HTR1D: variants seen among roughly 807,000 people sequenced by gnomAD.
HTR1D encodes 5-hydroxytryptamine receptor 1D.
A neutral mutation model predicts 21.1 loss-of-function variants in HTR1D; 18 were observed. The observed-to-expected ratio is 0.85, with a 90% confidence interval of 0.59 to 1.27. HTR1D has a LOEUF of 1.27. Ranked by LOEUF, HTR1D falls within the 50% of genes most tolerant of loss-of-function variation. The pLI is 0.00. For synonymous variants in HTR1D, 196 were observed against 204.4 expected (o/e 0.96, Z 0.35); for missense variants, 456 against 481.4 (o/e 0.95, Z 0.49).
intron 1 of HTR1D, among the ~76,000 whole-genome samples, chr1:23,206,421 C>T (rs1644731199): frequency 6.6e-6 from 1 of 152,192 alleles, no homozygotes; most frequent in Non-Finnish European, 1.5e-5. Flanking sequence ...GCCCAGGCTT[C>T]ACAGCTTGGT....
intron 1 of HTR1D, among the ~76,000 whole-genome samples, chr1:23,211,831 A>T (rs185528551): frequency 5.3e-4 from 80 of 151,502 alleles, no homozygotes; most frequent in East Asian, 2.1e-3. Context: ...GGCAAATTTT[A>T]AAAAAATTTT....
intron 1 of HTR1D, among the ~76,000 whole-genome samples, chr1:23,197,781 A>G (rs1382832073): frequency 6.6e-6 from 1 of 152,074 alleles, no homozygotes; most frequent in Non-Finnish European, 1.5e-5. Flanking sequence ...GTATGCCAGT[A>G]ATCCCAACAC....
chr1:23,194,333 C>A lies in HTR1D; in HGVS notation c.-114G>T, dbSNP rs770034382. Reference sequence around the variant, plus strand: ...GCTTCACACTGGTGGGAGCCGTACACCAGAACAGACCACAGTGAAAAGGTC... The same window carrying A: ...GCTTCACACTGGTGGGAGCCGTACAACAGAACAGACCACAGTGAAAAGGTC... On this transcript the variant is annotated 5_prime_UTR_variant, in exon 2 of 2. Coordinates refer to ENST00000374619, the MANE Select transcript of HTR1D (RefSeq NM_000864.5). The A allele has an allele frequency of 2.7e-5, 23 of 856,892 alleles. No individual in the cohort carries two copies. Among genetic ancestry groups the A allele is most frequent in the Non-Finnish European group, 4.1e-5 (22 of 537,072 alleles). 53.1% of individuals were successfully genotyped at this position (856,892 alleles called of 1,614,324 possible). A position where few individuals can be genotyped will look rare whatever the true frequency, so the allele number is the denominator to read the frequency against.
At chr1:23,199,508 G>T (rs1644702232) in intron 1 of HTR1D, among the ~76,000 whole-genome samples, 1 of 127,250 alleles carries the variant, frequency 7.9e-6, no homozygotes, top group African/African-American at 3.0e-5. Flanking sequence ...ATAGCTCACT[G>T]CAGCCTTGAA....
chr1:23,202,373 A>G (rs1357365773), intron 1 of HTR1D, among the ~76,000 whole-genome samples: 2 of 152,122 alleles, frequency 1.3e-5, no homozygotes, highest in Non-Finnish European at 2.9e-5. Context: ...GGTTACATGC[A>G]TGAGCCACCG....
intron 1 of HTR1D, among the ~76,000 whole-genome samples, chr1:23,211,972 T>C (rs1203519544): frequency 6.6e-6 from 1 of 152,000 alleles, no homozygotes; most frequent in Non-Finnish European, 1.5e-5. Context: ...CCCAAATCCT[T>C]TTCTACATTT....
Position 23,193,704 on chromosome 1 carries a change from G to A in HTR1D, c.516C>T (p.Pro172=), listed in dbSNP as rs1644671661. 1.2e-6 allele frequency: 2 copies of A among 1,613,968 alleles called. No homozygotes were observed. Among genetic ancestry groups the A allele is most frequent in the Non-Finnish European group, 8.5e-7 (1 of 1,179,984 alleles). ...CCTTGGCCTGCCGCCAGAAGAGCGG[G>A]GGGATGGAGATGCAGATGGAGATGG... is the stretch of plus-strand genomic sequence containing the variant. ...VWAISICISI[P]PLFWRQAKAQ... The change falls in exon 2 of 2, where the codon CCC becomes CCT. Residue 172 remains proline (P), a synonymous_variant. Transcript: ENST00000374619.
intron 1 of HTR1D, among the ~76,000 whole-genome samples, chr1:23,198,026 G>T (rs1448794538): frequency 6.6e-6 from 1 of 151,396 alleles, no homozygotes; most frequent in Non-Finnish European, 1.5e-5. Flanking sequence ...TTGAGCCCAG[G>T]AGTTCAAGAT....
chr1:23,207,601 G>A (rs1268077562), intron 1 of HTR1D, among the ~76,000 whole-genome samples: 2 of 152,160 alleles, frequency 1.3e-5, no homozygotes, highest in Non-Finnish European at 2.9e-5. Context: ...AAAAGTCAAA[G>A]ACAGGTGAAA....
Position 23,212,826 on chromosome 1 carries a change from C to CT in HTR1D, c.-783+4464dup, listed in dbSNP as rs34716227. Among the ~76,000 whole-genome samples the CT allele has an allele frequency of 1.1e-3, 156 of 146,716 alleles. No individual in the cohort carries two copies. The Middle Eastern group carries it at 0.014, about 13-fold the overall frequency. On this transcript the variant is annotated intron_variant, in intron 1 of 1. Transcript: ENST00000374619. ...TCACAGCAAGCCCTCCTGAGTGCCT[C>CT]TTTTTTTTTTTTTTCTTAAGACGGG...
intron 1 of HTR1D, among the ~76,000 whole-genome samples, chr1:23,202,424 C>G (rs1644713455): frequency 6.6e-6 from 1 of 152,140 alleles, no homozygotes; most frequent in African/African-American, 2.4e-5. Context: ...AAAGCAAAAG[C>G]TGGCCTCTTA....
rs1264250336 is a variant in HTR1D, at chr1:23,194,531, AAC to A, written c.-314_-313del. On this transcript the variant is annotated 5_prime_UTR_variant, in exon 2 of 2. It introduces an in-frame stop codon into an upstream open reading frame of the 5' UTR. Transcript: ENST00000374619. ...ATCCCAAGATGTCTCAGGGTCCTGGAACTTTTCCCAGCAGATGGTCATGCCCA... is the reference window on the plus strand; with the variant it reads ...ATCCCAAGATGTCTCAGGGTCCTGGATTTTCCCAGCAGATGGTCATGCCCA... 6.3e-5 allele frequency: 12 copies of A among 190,130 alleles called. No individual in the cohort carries two copies. The highest frequency in any genetic ancestry group is 1.3e-4 in the Non-Finnish European group (11 of 82,564). The allele number at this position is 190,130 out of a possible 1,614,324, so 11.8% of individuals were successfully genotyped here.
intron 1 of HTR1D, among the ~76,000 whole-genome samples, chr1:23,215,676 T>C (rs1243774549): frequency 2.0e-5 from 3 of 152,226 alleles, no homozygotes; most frequent in Non-Finnish European, 2.9e-5. Flanking sequence ...CCCTCATTAT[T>C]GATCCATCAG....
At chr1:23,215,922 T>C (rs556696894) in intron 1 of HTR1D, among the ~76,000 whole-genome samples, 1 of 152,292 alleles carries the variant, frequency 6.6e-6, no homozygotes, top group East Asian at 1.9e-4. Context: ...GTAGAGGTTG[T>C]TGTAGGGGTA....
rs759503012 is a variant in HTR1D, at chr1:23,193,456, G to C, written c.764C>G (p.Ser255Trp). The stretch of plus-strand genomic sequence containing the variant: ...CCCCTCATGGAGGCTGGAGTTGAGC[G>C]AGCAGAGCGAGGACCCGGCAGAGCC... ...ITGSAGSSLC[S>W]LNSSLHEGHS... Residue 255 changes from serine (S) to tryptophan (W), a missense_variant, in exon 2 of 2, where the codon TCG becomes TGG. By Grantham distance (177) the Ser-to-Trp change is radical (BLOSUM62 -3). Coordinates refer to ENST00000374619, the MANE Select transcript of HTR1D (RefSeq NM_000864.5). The C allele has an allele frequency of 9.9e-6, 16 of 1,614,116 alleles. No individual in the cohort carries two copies. In the African/African-American group the frequency reaches 1.9e-4, roughly 19 times the overall value.
chr1:23,215,833 C>A (rs1456966607), intron 1 of HTR1D, among the ~76,000 whole-genome samples: 1 of 152,220 alleles, frequency 6.6e-6, no homozygotes, highest in Non-Finnish European at 1.5e-5. Flanking sequence ...GATCTCCATC[C>A]CCCACCCACG....
At position 23,193,226 on chromosome 1, in the gene HTR1D, A is replaced by G; in HGVS notation, c.994T>C (p.Trp332Arg). 6.2e-7 allele frequency: 1 copy of G among 1,614,198 alleles called. No individual in the cohort carries two copies. The highest frequency in any genetic ancestry group is 8.5e-7 in the Non-Finnish European group (1 of 1,180,040). The change falls in exon 2 of 2, where the codon TGG (tryptophan) becomes CGG (arginine). Residue 332 changes from tryptophan to arginine, a missense_variant. Coordinates refer to ENST00000374619, the MANE Select transcript of HTR1D (RefSeq NM_000864.5). ...LVLPICRDSC[W>R]IHPALFDFFT... is the part of the protein sequence containing the mutation. ...AAGTCAAAGAGCGCCGGGTGGATCC[A>G]GCAGGAGTCCCGGCAGATGGGGAGG...
At chr1:23,215,244 C>A (rs1211753490) in intron 1 of HTR1D, among the ~76,000 whole-genome samples, 1 of 152,120 alleles carries the variant, frequency 6.6e-6, no homozygotes, top group African/African-American at 2.4e-5. Flanking sequence ...TGGCGACACC[C>A]TGTCTCTACA....
chr1:23,193,451 T>G lies in HTR1D; in HGVS notation c.769A>C (p.Asn257His), dbSNP rs770270595. The G allele has an allele frequency of 3.5e-5, 56 of 1,613,932 alleles. No individual in the cohort carries two copies. Among genetic ancestry groups the G allele is most frequent in the Non-Finnish European group, 4.2e-5 (49 of 1,180,010 alleles). ...GSAGSSLCSLNSSLHEGHSHS... is the reference protein window; with the variant it reads ...GSAGSSLCSLHSSLHEGHSHS... Reference sequence around the variant, plus strand: ...GAGTGCCCCTCATGGAGGCTGGAGTTGAGCGAGCAGAGCGAGGACCCGGCA... The same window carrying G: ...GAGTGCCCCTCATGGAGGCTGGAGTGGAGCGAGCAGAGCGAGGACCCGGCA... Residue 257 changes from asparagine (N) to histidine (H), a missense_variant, in exon 2 of 2, where the codon AAC becomes CAC. Coordinates refer to ENST00000374619, the MANE Select transcript of HTR1D (RefSeq NM_000864.5).
Sources: gnomAD v4.1 joint callset for allele counts (sites outside exome capture counted in the v4.1 genomes callset) on GRCh38, gnomAD v4.1.1 for gene constraint, MANE v1.5 for transcripts, NCBI Gene and HGNC (gene_info 2026-07-23, HGNC 2026-07-21) for gene names.